Variants in AK5 observed in about 807,000 individuals in gnomAD.
AK5 encodes adenylate kinase isoenzyme 5.
Under a neutral mutation model 69.5 loss-of-function variants are expected in AK5, and 27 were observed. The ratio of observed to expected loss-of-function variants is 0.39; its 90% CI spans 0.29 to 0.54. The LOEUF (loss-of-function observed/expected upper bound fraction) is 0.54, where lower values mean the gene tolerates loss of function less well. AK5 is among the 20% of genes least tolerant of loss of function. AK5 has a pLI of 0.71. For synonymous variants in AK5, 260 were observed against 244.4 expected (o/e 1.06, Z -0.60); for missense variants, 531 against 700.4 (o/e 0.76, Z 2.73).
intron 6 of AK5, among the ~76,000 whole-genome samples, chr1:77,383,999 G>A (rs895458299): frequency 2.0e-5 from 3 of 151,966 alleles, no homozygotes; most frequent in Non-Finnish European, 2.9e-5. Flanking sequence ...TTATATTAGA[G>A]ATATAATAAA....
chr1:77,541,989 T>C (rs969311413), intron 13 of AK5, among the ~76,000 whole-genome samples: 13 of 152,090 alleles, frequency 8.5e-5, no homozygotes, highest in African/African-American at 3.1e-4. Flanking sequence ...ACACGACACT[T>C]GGTGCTGGGG....
intron 5 of AK5, among the ~76,000 whole-genome samples, chr1:77,298,603 A>T (rs537201696): frequency 6.6e-6 from 1 of 151,826 alleles, no homozygotes; most frequent in East Asian, 1.9e-4. Context: ...CAGGAGTTCC[A>T]GACCAGCCTG....
chr1:77,501,012 AGGGG>A (rs1213186542), intron 10 of AK5, among the ~76,000 whole-genome samples: 3 of 152,192 alleles, frequency 2.0e-5, no homozygotes, highest in African/African-American at 7.2e-5. Flanking sequence ...GAAGGTTACC[AGGGG>A]TAAGAGGACA....
At chr1:77,324,292 C>A (rs1466162718) in intron 5 of AK5, among the ~76,000 whole-genome samples, 1 of 87,380 alleles carries the variant, frequency 1.1e-5, no homozygotes, top group Non-Finnish European at 2.3e-5. Context: ...AAGTGTGGAA[C>A]ATATTAAAAA....
intron 6 of AK5, among the ~76,000 whole-genome samples, chr1:77,353,194 C>T (rs1448931124): frequency 6.6e-6 from 1 of 152,054 alleles, no homozygotes; most frequent in East Asian, 1.9e-4. Context: ...TTATTTAGTG[C>T]CAGCCAGGCA....
intron 6 of AK5, among the ~76,000 whole-genome samples, chr1:77,395,624 T>C (rs990585885): frequency 6.6e-6 from 1 of 152,176 alleles, no homozygotes; most frequent in African/African-American, 2.4e-5. Context: ...TGAGTGAAGC[T>C]GCATCTTTGC....
chr1:77,480,238 A>G (rs985057192), intron 8 of AK5, among the ~76,000 whole-genome samples: 1 of 152,114 alleles, frequency 6.6e-6, no homozygotes, highest in East Asian at 1.9e-4. Flanking sequence ...TACACCCTCC[A>G]ATCAAACATC....
intron 10 of AK5, among the ~76,000 whole-genome samples, chr1:77,495,531 A>G (rs932084298): frequency 1.3e-5 from 2 of 152,216 alleles, no homozygotes; most frequent in African/African-American, 4.8e-5. Context: ...ACAGGAAACA[A>G]TTTGAACCCA....
intron 1 of AK5, 111 bp from the exon 2 acceptor site, chr1:77,286,828 CAG>C (rs1375041671): frequency 8.0e-6 from 5 of 622,494 alleles, no homozygotes; most frequent in Non-Finnish European, 1.2e-5. Flanking sequence ...GCCTGGGCAG[CAG>C]AGTGAGACTC....
At chr1:77,302,339 A>T (rs10873930) in intron 5 of AK5, among the ~76,000 whole-genome samples, 86,857 of 152,034 alleles carry the variant, frequency 0.57, 25,261 homozygotes, top group Admixed American at 0.68. Context: ...CCGTGCTAGT[A>T]ACTATATCAT....
intron 12 of AK5, among the ~76,000 whole-genome samples, chr1:77,523,640 C>T (rs1458149174): frequency 6.6e-6 from 1 of 152,112 alleles, no homozygotes; most frequent in Non-Finnish European, 1.5e-5. Context: ...CTCTTTTTAT[C>T]TGCTAAACTG....
chr1:77,295,076 A>G (rs754022770), intron 3 of AK5, among the ~76,000 whole-genome samples: 3 of 152,198 alleles, frequency 2.0e-5, no homozygotes, highest in East Asian at 1.9e-4. Flanking sequence ...ATCTATAACA[A>G]TCATGAAGAG....
At chr1:77,328,755 G>C (rs566469921) in intron 5 of AK5, among the ~76,000 whole-genome samples, 11 of 152,336 alleles carry the variant, frequency 7.2e-5, no homozygotes, top group African/African-American at 2.2e-4. Context: ...TACTAAAGTA[G>C]TAGAACAATA....
chr1:77,448,372 C>A (rs977198709), intron 8 of AK5, among the ~76,000 whole-genome samples: 1 of 152,198 alleles, frequency 6.6e-6, no homozygotes, highest in Non-Finnish European at 1.5e-5. Context: ...GACAACCTGC[C>A]TGCAGATAGG....
At chr1:77,522,071 C>T in intron 12 of AK5, 128 bp downstream of exon 12, 1 of 691,576 alleles carries the variant, frequency 1.4e-6, no homozygotes, top group South Asian at 2.3e-5. Flanking sequence ...AAACTTGACT[C>T]AAACTAGAAA....
At chr1:77,558,479 G>GC in intron 13 of AK5, 123 bp from the exon 14 acceptor site, 1 of 612,178 alleles carries the variant, frequency 1.6e-6, no homozygotes, top group Non-Finnish European at 2.9e-6. Flanking sequence ...CTGTGTTTTG[G>GC]GGGGGGTCTT....
chr1:77,411,979 G>C (rs776541304), intron 7 of AK5, among the ~76,000 whole-genome samples: 1 of 152,176 alleles, frequency 6.6e-6, no homozygotes, highest in Non-Finnish European at 1.5e-5. Context: ...ATGAAATATT[G>C]AGAATCATTT....
intron 10 of AK5, among the ~76,000 whole-genome samples, chr1:77,497,566 A>G (rs1275554272): frequency 6.6e-6 from 1 of 152,172 alleles, no homozygotes; most frequent in African/African-American, 2.4e-5. Context: ...GAAGAAATAG[A>G]GTTTGAGAGA....
At chr1:77,413,764 A>G (rs1650206116) in intron 7 of AK5, among the ~76,000 whole-genome samples, 2 of 152,148 alleles carry the variant, frequency 1.3e-5, no homozygotes, top group South Asian at 2.1e-4. Flanking sequence ...ATCTTACACA[A>G]TACAACTTTC....
Sources: allele counts gnomAD v4.1 joint callset (sites outside exome capture counted in the v4.1 genomes callset), GRCh38; gene constraint gnomAD v4.1.1; transcripts MANE v1.5; gene names NCBI Gene and HGNC (gene_info 2026-07-23, HGNC 2026-07-21).